SPTBN2: variants seen among roughly 807,000 people sequenced by gnomAD.
The protein encoded by SPTBN2 is spectrin beta, non-erythrocytic 2.
SPTBN2 carries 107 observed loss-of-function variants against 284.2 expected under a neutral mutation model. The observed-to-expected ratio is 0.38, with a 90% CI of 0.32 to 0.44. The LOEUF is 0.44. SPTBN2 is among the 20% of genes least tolerant of loss of function. The pLI is 1.00. For missense variants in SPTBN2, 2,569 were observed against 3,287.1 expected, an observed-to-expected ratio of 0.78 and a Z score of 5.34; for synonymous variants, 1,289 against 1,354.8, an observed-to-expected ratio of 0.95 and a Z score of 1.07.
chr11:66,689,111 C>A lies in SPTBN2; in HGVS notation c.6019G>T (p.Asp2007Tyr). 6.2e-7 allele frequency: 1 copy of A among 1,609,026 alleles called. No individual in the cohort carries two copies. The highest frequency in any genetic ancestry group is 1.1e-5 in the South Asian group (1 of 90,062). The change falls in exon 30 of 38, where the codon GAC becomes TAC. Residue 2007 changes from aspartate (D) to tyrosine (Y), a missense_variant. Physicochemically the swap from Asp to Tyr is radical, Grantham distance 160. Around this residue, in one of 6 missense-constraint regions of SPTBN2, gnomAD observed 1,130 missense variants for 1,317.3 expected, o/e 0.86. Transcript: ENST00000533211. ...ETAEKWQEKMDWLQLVLEVLV... is the reference protein window; with the variant it reads ...ETAEKWQEKMYWLQLVLEVLV... ...GGCAGCTCACCCAGCTGAAGCCAGT[C>A]CATCTTCTCCTGCCACTTCTCAGCT...
chr11:66,714,152 G>C lies in SPTBN2; in HGVS notation c.595C>G (p.His199Asp). ...KTAGYPNVNV[H>D]NFTTSWRDGL... ...TCTCTCCAGCTGGTGGTGAAGTTGT[G>C]TACATTGACGTTGGGATAACTATAA... The change falls in exon 7 of 38, where the codon CAC becomes GAC. Residue 199 changes from histidine (H) to aspartate (D), a missense_variant. Physicochemically the swap from His to Asp is moderately conservative, Grantham distance 81 (BLOSUM62 -1). This residue lies in a region of SPTBN2 where 304 missense variants were observed against 522.1 expected (regional missense o/e 0.58). Coordinates refer to ENST00000533211, the MANE Select transcript of SPTBN2 (RefSeq NM_006946.4). The C allele has an allele frequency of 6.2e-7, 1 of 1,614,212 alleles. No individual in the cohort carries two copies. Among genetic ancestry groups the C allele is most frequent in the Non-Finnish European group, 8.5e-7 (1 of 1,180,034 alleles).
At chr11:66,701,321 A>G in intron 16 of SPTBN2, 39 bp from the exon 17 acceptor site, 2 of 1,607,074 alleles carry the variant, frequency 1.2e-6, no homozygotes, top group Non-Finnish European at 1.7e-6. Context: ...TGCCCTGGCC[A>G]GGCCTGTTTG....
rs928388614 is a variant in SPTBN2 at position 66,710,680 on chromosome 11, G to A, written c.975C>T (p.Ile325=). The A allele has an allele frequency of 4.3e-6, 7 of 1,614,054 alleles. No homozygotes were observed. The highest frequency in any genetic ancestry group is 1.6e-4 in the Middle Eastern group (1 of 6,084). The change falls in exon 10 of 38, where the codon ATC becomes ATT. Residue 325 remains isoleucine, a synonymous_variant. Transcript: ENST00000533211. This position sits in a 1 kb window ranked among gnomAD's most constrained non-coding sequence, Gnocchi z 4.9. ...CCAACTGCCGGTCATTGAGGGTCAC[G>A]ATCGTTTGCTCGATCCACTGCAGCA... ...SELLQWIEQT[I]VTLNDRQLAN...
chr11:66,721,144 A>C lies in SPTBN2; in HGVS notation c.97T>G (p.Trp33Gly). 6.2e-7 allele frequency: 1 copy of C among 1,614,092 alleles called. No homozygotes were observed. The highest frequency in any genetic ancestry group is 8.5e-7 in the Non-Finnish European group (1 of 1,180,024). The change falls in exon 3 of 38, where the codon TGG (tryptophan) becomes GGG (glycine). Residue 33 changes from tryptophan (W) to glycine (G), a missense_variant. Trp to Gly is a radical substitution (Grantham distance 184). Transcript: ENST00000533211. ...CGGGCCGAGCTGCTGTCATTGTCCC[A>C]GTCCGAGTCAGGAAGGTCCCAGCGG... ...NNRWDLPDSD[W>G]DNDSSSARLF...
At chr11:66,719,897 G>T (rs533976869) in intron 3 of SPTBN2, among the ~76,000 whole-genome samples, 4 of 152,316 alleles carry the variant, frequency 2.6e-5, no homozygotes, top group African/African-American at 9.6e-5. Flanking sequence ...ACTGGTAGGA[G>T]TGTTTCACAG....
At chr11:66,699,278 T>C in intron 18 of SPTBN2, 128 bp downstream of exon 18, 5 of 1,313,914 alleles carry the variant, frequency 3.8e-6, no homozygotes, top group Non-Finnish European at 3.2e-6. Context: ...CACTTAGTTC[T>C]TCCCCTCTAC....
chr11:66,710,977 A>G lies in SPTBN2; in HGVS notation c.825T>C (p.Thr275=). The change falls in exon 9 of 38, where the codon ACT becomes ACC. Residue 275 remains threonine, a synonymous_variant. Coordinates refer to ENST00000533211, the MANE Select transcript of SPTBN2 (RefSeq NM_006946.4). This position sits in a 1 kb window ranked among gnomAD's most constrained non-coding sequence, Gnocchi z 4.9. ...DEKSIITYVA[T]YYHYFSKMKA... is the part of the protein sequence containing the mutation. ...TCATCTTGGAGAAGTAATGGTAGTAAGTAGCCACATAGGTAATGATTGACT... is the reference window on the plus strand; with the variant it reads ...TCATCTTGGAGAAGTAATGGTAGTAGGTAGCCACATAGGTAATGATTGACT... The G allele has an allele frequency of 6.2e-7, 1 of 1,614,232 alleles. No individual in the cohort carries two copies. Among genetic ancestry groups the G allele is most frequent in the Non-Finnish European group, 8.5e-7 (1 of 1,180,052 alleles).
At chr11:66,713,838 C>T (rs771814350) in intron 7 of SPTBN2, 92 bp from the exon 8 acceptor site, 27 of 1,167,512 alleles carry the variant, frequency 2.3e-5, no homozygotes, top group Middle Eastern at 2.4e-4. Context: ...CCTAAGTCAC[C>T]GACCCAATTT....
In SPTBN2 at chr11:66,696,517, C is replaced by A; in HGVS notation, c.4038G>T (p.Glu1346Asp). The A allele has an allele frequency of 6.2e-7, 1 of 1,612,010 alleles. No individual in the cohort carries two copies. The highest frequency in any genetic ancestry group is 8.5e-7 in the Non-Finnish European group (1 of 1,180,030). ...ACACCAGGGCTTTCAGCTCTGGCTT[C>A]TCAAGGGTGAGCTCTCGCCCTTCCT... ...VDKEGRELTL[E>D]KPELKALVSE... Residue 1346 changes from glutamate (E) to aspartate (D), a missense_variant, in exon 21 of 38, where the codon GAG becomes GAT. By Grantham distance (45) the Glu-to-Asp change is conservative. Around this residue, in one of 6 missense-constraint regions of SPTBN2, gnomAD observed 50 missense variants for 48.1 expected, o/e 1.04. Coordinates refer to ENST00000533211, the MANE Select transcript of SPTBN2 (RefSeq NM_006946.4).
At position 66,707,884 on chromosome 11, in the gene SPTBN2, C is replaced by A; in HGVS notation, c.1351-66G>T. On this transcript the variant is annotated intron_variant, in intron 12 of 37. Transcript: ENST00000533211. This position sits in a 1 kb window ranked among gnomAD's most constrained non-coding sequence, Gnocchi z 4.9. ...ACAGTGCCTCTGCCTGCTCCTCTGT[C>A]CTGCAGGGCACTTGGCCTGCAAGAT... The A allele has an allele frequency of 6.4e-7, 1 of 1,573,780 alleles. No homozygotes were observed. The highest frequency in any genetic ancestry group is 8.6e-7 in the Non-Finnish European group (1 of 1,161,912).
chr11:66,723,275 G>C (rs1206631184), intron 1 of SPTBN2, among the ~76,000 whole-genome samples: 1 of 152,022 alleles, frequency 6.6e-6, no homozygotes, highest in African/African-American at 2.4e-5. Context: ...AAGAGAGGAG[G>C]AGGGGACTGG....
At chr11:66,701,332 G>C in intron 16 of SPTBN2, 50 bp from the exon 17 acceptor site, 1 of 1,602,060 alleles carries the variant, frequency 6.2e-7, no homozygotes, top group Admixed American at 1.7e-5. Flanking sequence ...GGCCTGTTTG[G>C]AAGCTTCTTC....
intron 37 of SPTBN2, 133 bp downstream of exon 37, chr11:66,686,265 G>C: frequency 7.1e-7 from 1 of 1,418,264 alleles, no homozygotes; most frequent in African/African-American, 1.4e-5. Flanking sequence ...GCCTGGTGCG[G>C]CCGTCGCACA....
At chr11:66,722,371 G>A (rs1353944836) in intron 1 of SPTBN2, among the ~76,000 whole-genome samples, 6 of 149,844 alleles carry the variant, frequency 4.0e-5, no homozygotes, top group Admixed American at 3.3e-4. Flanking sequence ...TCAGGAGATC[G>A]AGACCATCCC....
At position 66,736,702 on chromosome 11, in the gene SPTBN2, G is replaced by A. The variant is rs187054213; in HGVS notation, c.-474-7510C>T. On this transcript the variant is annotated intron_variant, in intron 1 of 37. Coordinates refer to the SPTBN2 transcript ENST00000611817. ...TTAATACTAATAACTGAGGGGGAAG[G>A]CTTCGGGGTTCCTCAGTTGAATTGC... Among the ~76,000 whole-genome samples the A allele has an allele frequency of 5.9e-5, 9 of 152,276 alleles. No homozygotes were observed. The East Asian group carries it at 1.7e-3, about 29-fold the overall frequency.
rs1401791460 is a variant in SPTBN2, at chr11:66,689,801, C to T, written c.5949+4G>A. The T allele has an allele frequency of 1.2e-6, 2 of 1,613,332 alleles. No individual in the cohort carries two copies. The highest frequency in any genetic ancestry group is 1.8e-4 in the Middle Eastern group (1 of 5,680). ...AATGGCCCGGCCACCCAGGCCTCAC[C>T]CACCTCCTCGGCCGCATAGTGGCTC... On this transcript the variant is annotated splice_donor_region_variant and intron_variant, in intron 29 of 37. Coordinates refer to ENST00000533211, the MANE Select transcript of SPTBN2 (RefSeq NM_006946.4).
At chr11:66,695,416 GC>G (rs1940849960) in intron 21 of SPTBN2, among the ~76,000 whole-genome samples, 2 of 151,940 alleles carry the variant, frequency 1.3e-5, no homozygotes, top group African/African-American at 2.4e-5. Flanking sequence ...CCACCACCAC[GC>G]CCAGCTAATT....
At chr11:66,726,199 A>G (rs1001503105) in intron 1 of SPTBN2, among the ~76,000 whole-genome samples, 2 of 152,178 alleles carry the variant, frequency 1.3e-5, no homozygotes, top group African/African-American at 4.8e-5. Context: ...AGGACTAGAG[A>G]GAAGCTCAAG....
In SPTBN2 at chr11:66,688,816, C is replaced by T. The variant is rs775389037; in HGVS notation, c.6068G>A (p.Gly2023Glu). 2 of 1,612,562 alleles carry T rather than the reference C, an allele frequency of 1.2e-6. No homozygotes were observed. The highest frequency in any genetic ancestry group is 2.7e-5 in the African/African-American group (2 of 74,918). The change falls in exon 31 of 38, where the codon GGG (glycine) becomes GAG (glutamate). Residue 2023 changes from glycine to glutamate, a missense_variant. Physicochemically the swap from Gly to Glu is moderately conservative, Grantham distance 98 (BLOSUM62 -2). This residue lies in a region of SPTBN2 where 1,130 missense variants were observed against 1,317.3 expected (regional missense o/e 0.86). Coordinates refer to ENST00000533211, the MANE Select transcript of SPTBN2 (RefSeq NM_006946.4). ...GCTGCAGAGCCAGGCCTCTGCCATC[C>T]CTGCATCTCTTCCAAACACAAGCAC... ...LEVLVFGRDA[G>E]MAEAWLCSQE...
Sources: allele counts gnomAD v4.1 joint callset (sites outside exome capture counted in the v4.1 genomes callset), GRCh38; gene constraint gnomAD v4.1.1; regional missense constraint gnomAD v4.1.1; non-coding constraint Gnocchi (gnomAD v3.1); transcripts MANE v1.5; gene names NCBI Gene and HGNC (gene_info 2026-07-23, HGNC 2026-07-21).